ZC3H13: variants seen among roughly 807,000 people sequenced by gnomAD.
The protein encoded by ZC3H13 is zinc finger CCCH domain-containing protein 13.
Under a neutral mutation model 204.1 loss-of-function variants are expected in ZC3H13, and 64 were observed. The observed-to-expected ratio is 0.31, with a 90% confidence interval of 0.26 to 0.39. ZC3H13 has a LOEUF of 0.39. Among genes scored for constraint, ZC3H13 ranks in the 10% least tolerant of loss-of-function variants. ZC3H13 has a pLI of 1.00. For missense variants in ZC3H13, 1,833 were observed against 2,082.7 expected, an observed-to-expected ratio of 0.88 and a Z score of 2.33; for synonymous variants, 667 against 693.7, an observed-to-expected ratio of 0.96 and a Z score of 0.60.
At chr13:45,998,907 T>C (rs376736885) in intron 8 of ZC3H13, among the ~76,000 whole-genome samples, 2 of 152,260 alleles carry the variant, frequency 1.3e-5, no homozygotes, top group South Asian at 4.1e-4. Flanking sequence ...CTGTAGCTTG[T>C]GATGCTGTTC....
At chr13:46,014,155 A>G (rs544737073) in intron 5 of ZC3H13, among the ~76,000 whole-genome samples, 8 of 152,226 alleles carry the variant, frequency 5.3e-5, no homozygotes, top group African/African-American at 1.9e-4. Flanking sequence ...ATTTTAATAC[A>G]GCAACTTTTT....
intron 17 of ZC3H13, chr13:45,962,131 T>C (rs1160478194): frequency 7.1e-6 from 7 of 981,184 alleles, no homozygotes; most frequent in African/African-American, 5.2e-5. Flanking sequence ...TCAGGCACTT[T>C]TCTGGGCAAT....
chr13:45,969,460 T>C lies in ZC3H13; in HGVS notation c.3084A>G (p.Lys1028=). The C allele has an allele frequency of 1.2e-6, 2 of 1,613,492 alleles. No individual in the cohort carries two copies. The highest frequency in any genetic ancestry group is 1.7e-6 in the Non-Finnish European group (2 of 1,179,880). The change falls in exon 14 of 19, where the codon AAA becomes AAG. Residue 1028 remains lysine (K), a synonymous_variant. Coordinates refer to ENST00000679008, the MANE Select transcript of ZC3H13 (RefSeq NM_001330564.2). ...TTATAGGGGGAGTCCGTGGGCCTCTTTTCTTCTTACTTTGCTGGGCTGCTT... is the reference window on the plus strand; with the variant it reads ...TTATAGGGGGAGTCCGTGGGCCTCTCTTCTTCTTACTTTGCTGGGCTGCTT... ...DEEAAQQSKK[K]RGPRTPPITT...
chr13:45,992,363 A>C (rs1032134010), intron 8 of ZC3H13, among the ~76,000 whole-genome samples: 2 of 152,358 alleles, frequency 1.3e-5, no homozygotes, highest in East Asian at 3.9e-4. Context: ...TAATGACATT[A>C]ATAATAGCAA....
chr13:46,011,671 G>T, intron 5 of ZC3H13, 117 bp from the exon 6 acceptor site: 1 of 652,950 alleles, frequency 1.5e-6, no homozygotes, highest in Non-Finnish European at 2.4e-6. Flanking sequence ...TCTTTCATCA[G>T]GATCACATAC....
chr13:46,044,846 A>G (rs2043834220), intron 3 of ZC3H13, 109 bp downstream of exon 3: 2 of 607,442 alleles, frequency 3.3e-6, no homozygotes, highest in Non-Finnish European at 5.2e-6. Context: ...ACTACCACCA[A>G]TATAGAAAAT....
intron 1 of ZC3H13, chr13:46,051,873 A>T (rs956472245): frequency 1.3e-4 from 19 of 151,842 alleles, no homozygotes; most frequent in African/African-American, 4.6e-4. Context: ...GCCGCCAAAC[A>T]GACTCTCTTC....
chr13:45,999,252 C>T (rs193064462), intron 8 of ZC3H13, among the ~76,000 whole-genome samples: 8 of 152,168 alleles, frequency 5.3e-5, no homozygotes, highest in Admixed American at 2.0e-4. Flanking sequence ...GCTGAGATCA[C>T]GCCAGTGCAC....
chr13:45,967,566 T>A lies in ZC3H13; in HGVS notation c.4259A>T (p.Asp1420Val). 2 of 1,610,166 alleles carry A rather than the reference T, an allele frequency of 1.2e-6. No homozygotes were observed. The highest frequency in any genetic ancestry group is 2.2e-5 in the East Asian group (1 of 44,876). ...LALDKERMDK[D>V]LGSVQGFEET... ...TTCAAATCCCTGCACAGATCCCAGA[T>A]CTTTATCCATTCTCTCTTTATCCAA... Residue 1420 changes from aspartate (D) to valine (V), a missense_variant, in exon 15 of 19, where the codon GAT (aspartate) becomes GTT (valine). Asp to Val is a radical substitution (Grantham distance 152). This residue lies in a region of ZC3H13 where 1,574 missense variants were observed against 1,757.2 expected (regional missense o/e 0.90). Transcript: ENST00000679008.
At chr13:46,011,321 A>G in intron 6 of ZC3H13, 94 bp downstream of exon 6, 10 of 1,098,360 alleles carry the variant, frequency 9.1e-6, no homozygotes, top group Non-Finnish European at 1.3e-5. Context: ...TCAGTATACT[A>G]ATATAATTTA....
At chr13:46,029,824 C>T (rs1386678827) in intron 4 of ZC3H13, among the ~76,000 whole-genome samples, 1 of 152,098 alleles carries the variant, frequency 6.6e-6, no homozygotes, top group African/African-American at 2.4e-5. Context: ...ACCAATATCT[C>T]TCATGAATAA....
chr13:45,993,698 C>T (rs562463321), intron 8 of ZC3H13, among the ~76,000 whole-genome samples: 7 of 152,158 alleles, frequency 4.6e-5, no homozygotes, highest in Non-Finnish European at 8.8e-5. Context: ...AAAGAAAATG[C>T]TTCTGTGTGA....
chr13:45,958,240 T>C (rs929432253), intron 18 of ZC3H13, among the ~76,000 whole-genome samples: 5 of 152,234 alleles, frequency 3.3e-5, no homozygotes, highest in African/African-American at 9.7e-5. Flanking sequence ...CTGAGTATTT[T>C]TCTTTAATGA....
At chr13:46,036,813 G>A (rs747211391) in intron 4 of ZC3H13, among the ~76,000 whole-genome samples, 1 of 152,090 alleles carries the variant, frequency 6.6e-6, no homozygotes, top group Non-Finnish European at 1.5e-5. Context: ...CCGCCTCCCA[G>A]GCTCAAGTAA....
chr13:45,964,064 G>C, intron 16 of ZC3H13, 22 bp from the exon 17 acceptor site: 1 of 1,596,062 alleles, frequency 6.3e-7, no homozygotes, highest in Non-Finnish European at 8.5e-7. Flanking sequence ...TAAAAAGTAA[G>C]ATTTGTTTTA....
chr13:45,975,453 TCTCTCCCGTTCTCGCTCTCTCTCC>T lies in ZC3H13; in HGVS notation c.2274_2297del (p.Glu769_Arg776del). 4.3e-6 allele frequency: 7 copies of T among 1,613,488 alleles called. No homozygotes were observed. The highest frequency in any genetic ancestry group is 5.9e-6 in the Non-Finnish European group (7 of 1,179,742). ...CTCGTTCCCGTTCTCGCTCTCGCTC[TCTCTCCCGTTCTCGCTCTCTCTCC>T]CTCTCTCTCTCTTCTCTTTCTCGTT... On this transcript the variant is annotated inframe_deletion, in exon 12 of 19. Coordinates refer to ENST00000679008, the MANE Select transcript of ZC3H13 (RefSeq NM_001330564.2).
chr13:45,970,540 T>G (rs1952501126), intron 12 of ZC3H13, 75 bp from the exon 13 acceptor site: 2 of 1,198,186 alleles, frequency 1.7e-6, no homozygotes, highest in East Asian at 4.7e-5. Flanking sequence ...TTTACTAGTA[T>G]CTCTTTACTA....
chr13:46,015,399 T>C (rs2041851134), intron 5 of ZC3H13, among the ~76,000 whole-genome samples: 1 of 152,172 alleles, frequency 6.6e-6, no homozygotes, highest in Non-Finnish European at 1.5e-5. Context: ...TACTAATGCT[T>C]ACACGTTACA....
intron 17 of ZC3H13, chr13:45,962,393 C>A: frequency 1.0e-6 from 1 of 985,288 alleles, no homozygotes; most frequent in Non-Finnish European, 1.2e-6. Context: ...ACTTGAAATG[C>A]TACTAGCAAA....
Sources: gnomAD v4.1 joint callset for allele counts (sites outside exome capture counted in the v4.1 genomes callset) on GRCh38, gnomAD v4.1.1 for gene constraint, gnomAD v4.1.1 regional missense constraint, MANE v1.5 for transcripts, NCBI Gene and HGNC (gene_info 2026-07-23, HGNC 2026-07-21) for gene names.